Variants in HDC observed in about 807,000 individuals in gnomAD.
The protein encoded by HDC is histidine decarboxylase.
Under a neutral mutation model 64.4 loss-of-function variants are expected in HDC, and 27 were observed. The ratio of observed to expected loss-of-function variants is 0.42; its 90% CI spans 0.31 to 0.58. The LOEUF is 0.58. Ranked by LOEUF, HDC falls within the 20% of genes least tolerant of loss-of-function variation. The pLI is 0.16. For synonymous variants in HDC, 305 were observed against 314.2 expected (o/e 0.97, Z 0.31); for missense variants, 711 against 833.9 (o/e 0.85, Z 1.81).
intron 9 of HDC, among the ~76,000 whole-genome samples, chr15:50,249,539 A>T (rs771019750): frequency 5.3e-5 from 8 of 152,206 alleles, no homozygotes; most frequent in African/African-American, 1.9e-4. Flanking sequence ...AAAACTACTA[A>T]GCCTTTGATT....
Position 50,248,344 on chromosome 15 carries a change from C to T in HDC, c.1042-1G>A. 1 of 1,611,770 alleles carries T rather than the reference C, an allele frequency of 6.2e-7. No individual in the cohort carries two copies. Among genetic ancestry groups the T allele is most frequent in the East Asian group, 2.2e-5 (1 of 44,870 alleles). ...GTCGGCTCAGGGGGATCTGCCAGTG[C>T]TAGAAACAAAGGAACACAGTGCCCA... On this transcript the variant is annotated splice_acceptor_variant, in intron 9 of 11. Coordinates refer to ENST00000267845, the MANE Select transcript of HDC (RefSeq NM_002112.4). LOFTEE classifies it high-confidence loss of function. The surrounding 1 kb of genome is among the most constrained non-coding windows in gnomAD (Gnocchi z 4.3).
chr15:50,245,928 T>C (rs1439071157), intron 10 of HDC, among the ~76,000 whole-genome samples: 3 of 151,928 alleles, frequency 2.0e-5, no homozygotes, highest in Non-Finnish European at 2.9e-5. Context: ...GGCAGACAAA[T>C]ATAGAAAGGT....
At position 50,242,457 on chromosome 15, in the gene HDC, G is replaced by A. The variant is rs760192923; in HGVS notation, c.1792C>T (p.Leu598=). Residue 598 remains leucine (L), a synonymous_variant, in exon 12 of 12, where the codon CTG becomes TTG. Coordinates refer to ENST00000267845, the MANE Select transcript of HDC (RefSeq NM_002112.4). ...TTCTTCACAGAGGCCTCTGTGGGCA[G>A]TGGCTTCTGAGCACTCACTGGCACA... is the stretch of plus-strand genomic sequence containing the variant. The part of the protein sequence containing the change: ...NSVPVSAQKP[L]PTEASVKNGG... 1.9e-6 allele frequency: 3 copies of A among 1,614,200 alleles called. No individual in the cohort carries two copies. Among genetic ancestry groups the A allele is most frequent in the East Asian group, 4.5e-5 (2 of 44,894 alleles).
chr15:50,252,463 C>G lies in HDC; in HGVS notation c.1008G>C (p.Arg336Ser), dbSNP rs1158749601. 3 of 1,614,034 alleles carry G rather than the reference C, an allele frequency of 1.9e-6. No homozygotes were observed. Among genetic ancestry groups the G allele is most frequent in the Non-Finnish European group, 2.5e-6 (3 of 1,180,032 alleles). Residue 336 changes from arginine (R) to serine (S), a missense_variant, in exon 9 of 12, where the codon AGG becomes AGC. Around this residue, in one of 3 missense-constraint regions of HDC, gnomAD observed 483 missense variants for 540.9 expected, o/e 0.89. Transcript: ENST00000267845. The part of the protein sequence containing the change: ...QTFSVNPIYL[R>S]HANSGVATDF... ...CGGTGGCCACGCCTGAGTTGGCATG[C>G]CTGAGGTAGATGGGATTCACACTGA...
chr15:50,242,507 G>A lies in HDC; in HGVS notation c.1742C>T (p.Thr581Met), dbSNP rs142718396. Residue 581 changes from threonine to methionine, a missense_variant, in exon 12 of 12, where the codon ACG becomes ATG. By Grantham distance (81) the Thr-to-Met change is moderately conservative. Transcript: ENST00000267845. Reference sequence around the variant, plus strand: ...ACTGTTGCAACTGAGGGAGCGCACCGTCTTCTTCTTAGTCTGCACAGACAA... The same window carrying A: ...ACTGTTGCAACTGAGGGAGCGCACCATCTTCTTCTTAGTCTGCACAGACAA... ...SYLSVQTKKK[T>M]VRSLSCNSVP... 26 of 1,614,162 alleles carry A rather than the reference G, an allele frequency of 1.6e-5. No individual in the cohort carries two copies. Among genetic ancestry groups the A allele is most frequent in the East Asian group, 1.3e-4 (6 of 44,882 alleles).
intron 9 of HDC, among the ~76,000 whole-genome samples, chr15:50,249,415 A>G (rs540076360): frequency 6.6e-6 from 1 of 152,338 alleles, no homozygotes; most frequent in South Asian, 2.1e-4. Context: ...CTGCCCATAC[A>G]CAAGATTATC....
chr15:50,252,008 G>A (rs963927955), intron 9 of HDC, among the ~76,000 whole-genome samples: 3 of 151,506 alleles, frequency 2.0e-5, no homozygotes, highest in African/African-American at 7.3e-5. Context: ...GCCTCTGTCA[G>A]GGACAAAAAA....
chr15:50,257,603 C>G, intron 3 of HDC, 56 bp from the exon 4 acceptor site: 6 of 1,599,060 alleles, frequency 3.8e-6, no homozygotes, highest in Non-Finnish European at 5.1e-6. Flanking sequence ...GAGGTGCCCC[C>G]ACGAGCTCCA....
chr15:50,264,488 T>C (rs188724573), intron 1 of HDC, among the ~76,000 whole-genome samples: 4 of 152,252 alleles, frequency 2.6e-5, no homozygotes, highest in Admixed American at 2.0e-4. Context: ...AATGAACATA[T>C]GAGTAAGGAA....
At chr15:50,258,140 G>C (rs2045656042) in intron 3 of HDC, among the ~76,000 whole-genome samples, 1 of 152,156 alleles carries the variant, frequency 6.6e-6, no homozygotes, top group Non-Finnish European at 1.5e-5. Flanking sequence ...TCTTATCTGT[G>C]TCTCTATGAG....
rs137989257 is a variant in HDC at position 50,252,833 on chromosome 15, G to A, written c.788-59C>T. The A allele has an allele frequency of 5.4e-4, 822 of 1,530,578 alleles. 6 individuals carry two copies. In the African/African-American group the frequency reaches 0.01, roughly 19 times the overall value. 94.8% of individuals were successfully genotyped at this position (1,530,578 alleles called of 1,614,324 possible). ...GGTATGAAGTGGGGAAAGATGTCTC[G>A]CACCTGGCCAAGCTGAGTGGTGGGC... On this transcript the variant is annotated intron_variant, in intron 7 of 11. Transcript: ENST00000267845.
Position 50,257,336 on chromosome 15 carries a change from T to C in HDC, c.441+89A>G, listed in dbSNP as rs1595709262. 9 of 1,543,662 alleles carry C rather than the reference T, an allele frequency of 5.8e-6. No homozygotes were observed. In the South Asian group the frequency reaches 7.8e-5, roughly 13 times the overall value. On this transcript the variant is annotated intron_variant, in intron 4 of 11. Coordinates refer to ENST00000267845, the MANE Select transcript of HDC (RefSeq NM_002112.4). ...TGTGGGTAATGTGGGGGAAACTCCA[T>C]GGAGAACGGGAGAATTGCCAGGTTA...
chr15:50,258,267 G>A (rs190123246), intron 3 of HDC, 137 bp downstream of exon 3: 112 of 691,192 alleles, frequency 1.6e-4, no homozygotes, highest in African/African-American at 9.7e-4. Flanking sequence ...AAAATAAAGC[G>A]TAAGCTTAAA....
At chr15:50,260,267 C>T (rs539047930) in intron 2 of HDC, among the ~76,000 whole-genome samples, 13 of 151,992 alleles carry the variant, frequency 8.6e-5, no homozygotes, top group African/African-American at 1.9e-4. Context: ...ATGATCCACC[C>T]GCCTCAGCCT....
At chr15:50,253,540 T>C (rs1407781571) in intron 7 of HDC, 60 bp downstream of exon 7, 1 of 1,459,528 alleles carries the variant, frequency 6.9e-7, no homozygotes, top group Admixed American at 1.7e-5. Flanking sequence ...AGGTCCTTGC[T>C]TTAGGAGACA....
Position 50,258,391 on chromosome 15 carries a change from C to T in HDC, c.318+13G>A, listed in dbSNP as rs1400719527. 2.7e-6 allele frequency: 4 copies of T among 1,478,456 alleles called. No individual in the cohort carries two copies. The highest frequency in any genetic ancestry group is 3.8e-6 in the Non-Finnish European group (4 of 1,056,376). The allele number at this position is 1,478,456 out of a possible 1,614,324, so 91.6% of individuals were successfully genotyped here. A position where few individuals can be genotyped will look rare whatever the true frequency, so the allele number is the denominator to read the frequency against. The stretch of plus-strand genomic sequence containing the variant: ...GTTCCCCATTGCGAGTAGTTACAGC[C>T]GTTGCTACTCACCCAGGTGAATCCC... On this transcript the variant is annotated intron_variant, in intron 3 of 11. Coordinates refer to ENST00000267845, the MANE Select transcript of HDC (RefSeq NM_002112.4).
At chr15:50,253,539 C>A in intron 7 of HDC, 61 bp downstream of exon 7, 1 of 1,455,914 alleles carries the variant, frequency 6.9e-7, no homozygotes. Flanking sequence ...CAGGTCCTTG[C>A]TTTAGGAGAC....
chr15:50,253,992 C>T, intron 6 of HDC, 138 bp downstream of exon 6: 1 of 888,872 alleles, frequency 1.1e-6, no homozygotes, highest in South Asian at 1.4e-5. Flanking sequence ...ATGGATAGCA[C>T]CTCATGATGT....
chr15:50,260,450 G>C (rs945601744), intron 2 of HDC, among the ~76,000 whole-genome samples: 13 of 152,156 alleles, frequency 8.5e-5, no homozygotes, highest in Non-Finnish European at 1.3e-4. Context: ...TGTCTCCTAG[G>C]GTTGTTGTGT....
Sources: allele counts gnomAD v4.1 joint callset (sites outside exome capture counted in the v4.1 genomes callset), GRCh38; gene constraint gnomAD v4.1.1; regional missense constraint gnomAD v4.1.1; non-coding constraint Gnocchi (gnomAD v3.1); transcripts MANE v1.5; gene names NCBI Gene and HGNC (gene_info 2026-07-23, HGNC 2026-07-21).